The following TRAPPC10 variants were observed in gnomAD, a reference collection of about 807,000 sequenced individuals.
TRAPPC10 encodes the protein trafficking protein particle complex subunit 10.
In TRAPPC10, 23 loss-of-function variants were observed where a neutral mutation model predicts 125.5. That is an observed-to-expected ratio of 0.18 (90% CI 0.13 to 0.26). The LOEUF is 0.26. Among genes scored for constraint, TRAPPC10 ranks in the 10% least tolerant of loss-of-function variants. The probability of loss-of-function intolerance (pLI) is 1.00; values close to 1 mark genes in which losing one functional copy is unlikely to be tolerated. For synonymous variants in TRAPPC10, 509 were observed against 518.0 expected, an observed-to-expected ratio of 0.98 and a Z score of 0.24; for missense variants, 1,123 against 1,308.4, an observed-to-expected ratio of 0.86 and a Z score of 2.19.
chr21:44,059,521 C>T lies in TRAPPC10; in HGVS notation c.790+307C>T, dbSNP rs768720447. 4.0e-6 allele frequency: 3 copies of T among 751,662 alleles called. No homozygotes were observed. The highest frequency in any genetic ancestry group is 7.5e-6 in the Non-Finnish European group (3 of 402,602). 46.6% of individuals were successfully genotyped at this position (751,662 alleles called of 1,614,324 possible). On this transcript the variant is annotated intron_variant, in intron 6 of 22. Transcript: ENST00000291574. This position sits in a 1 kb window ranked among gnomAD's most constrained non-coding sequence, Gnocchi z 4.4. Reference sequence around the variant, plus strand: ...CTGCTGGTGATGCTTCGATTCTGTCCCTCGTTAGAATCAGAGTGGACGTCC... The same window carrying T: ...CTGCTGGTGATGCTTCGATTCTGTCTCTCGTTAGAATCAGAGTGGACGTCC...
At chr21:44,021,541 A>C (rs1016550264) in intron 1 of TRAPPC10, among the ~76,000 whole-genome samples, 3 of 152,206 alleles carry the variant, frequency 2.0e-5, no homozygotes, top group African/African-American at 7.2e-5. Context: ...AATTAGGTGA[A>C]CTGCCCAATC....
chr21:44,033,881 A>G (rs766645879), intron 2 of TRAPPC10, among the ~76,000 whole-genome samples: 2 of 152,078 alleles, frequency 1.3e-5, no homozygotes, highest in African/African-American at 2.4e-5. Context: ...ATAAAAAGAA[A>G]CTGTGTAGAT....
At chr21:44,078,720 G>C (rs191715008) in intron 11 of TRAPPC10, among the ~76,000 whole-genome samples, 9 of 152,358 alleles carry the variant, frequency 5.9e-5, no homozygotes, top group African/African-American at 1.9e-4. Flanking sequence ...AGGAAGCAGA[G>C]AGGCTTCTCG....
Position 44,025,826 on chromosome 21 carries a change from GTGTGTGT to G in TRAPPC10, c.68-6264_68-6258del, listed in dbSNP as rs1569144115. The stretch of plus-strand genomic sequence containing the variant: ...AGAGAGCAGCAGAGGGCAGGGGTGT[GTGTGTGT>G]GTGTGTGTGTGTGTGTGTGTGTGTG... On this transcript the variant is annotated intron_variant, in intron 1 of 22. Coordinates refer to ENST00000291574, the MANE Select transcript of TRAPPC10 (RefSeq NM_003274.5). Among the ~76,000 whole-genome samples the G allele has an allele frequency of 1.5e-3, 4 of 2,630 alleles. No homozygotes were observed. In the East Asian group the frequency reaches 0.034, roughly 22 times the overall value. 1.7% of individuals were successfully genotyped at this position (2,630 alleles called of 152,430 possible).
At position 44,087,358 on chromosome 21, in the gene TRAPPC10, A is replaced by G. The variant is rs2038210232; in HGVS notation, c.2540-341A>G. Among the ~76,000 whole-genome samples the G allele has an allele frequency of 6.6e-6, 1 of 152,048 alleles. No individual in the cohort carries two copies. The highest frequency in any genetic ancestry group is 2.1e-4 in the South Asian group (1 of 4,816). ...CATCCTCCCAGCCACGAGGAAGGGGAAGGGGAGGACCCTGCTCCCCTGGGG... is the reference window on the plus strand; with the variant it reads ...CATCCTCCCAGCCACGAGGAAGGGGGAGGGGAGGACCCTGCTCCCCTGGGG... On this transcript the variant is annotated intron_variant, in intron 16 of 22. Transcript: ENST00000291574. This position sits in a 1 kb window ranked among gnomAD's most constrained non-coding sequence, Gnocchi z 4.6.
chr21:44,034,916 CA>C lies in TRAPPC10; in HGVS notation c.149+2745del, dbSNP rs903454674. On this transcript the variant is annotated intron_variant, in intron 2 of 22. Coordinates refer to ENST00000291574, the MANE Select transcript of TRAPPC10 (RefSeq NM_003274.5). ...GAGAGAAGCAAGGAACCTCCCACTGCAGCCAGAGGGAACTAAGCCCACCCAT... is the reference window on the plus strand; with the variant it reads ...GAGAGAAGCAAGGAACCTCCCACTGCGCCAGAGGGAACTAAGCCCACCCAT... Among the ~76,000 whole-genome samples the C allele has an allele frequency of 4.8e-4, 73 of 152,348 alleles. 1 individual carries two copies. In the Middle Eastern group the frequency reaches 0.02, roughly 43 times the overall value.
chr21:44,077,448 G>T (rs1040050660), intron 10 of TRAPPC10, among the ~76,000 whole-genome samples: 3 of 152,114 alleles, frequency 2.0e-5, no homozygotes, highest in Non-Finnish European at 4.4e-5. Flanking sequence ...AATTAGCCGG[G>T]CCTGGTGGCG....
intron 7 of TRAPPC10, among the ~76,000 whole-genome samples, chr21:44,072,680 T>G (rs528005121): frequency 1.3e-5 from 2 of 152,286 alleles, no homozygotes; most frequent in South Asian, 4.1e-4. Context: ...GTCAGGCTGG[T>G]CTCAAACTCC....
chr21:44,029,219 C>T (rs943980962), intron 1 of TRAPPC10, among the ~76,000 whole-genome samples: 1 of 152,178 alleles, frequency 6.6e-6, no homozygotes, highest in Non-Finnish European at 1.5e-5. Context: ...CTCAGCCTCC[C>T]AAGTAGCTGG....
Position 44,082,409 on chromosome 21 carries a change from C to T in TRAPPC10, c.1724-379C>T, listed in dbSNP as rs1331946066. 2.0e-5 allele frequency among the ~76,000 whole-genome samples: 3 copies of T among 152,132 alleles called. No homozygotes were observed. The highest frequency in any genetic ancestry group is 4.4e-5 in the Non-Finnish European group (3 of 68,042). Reference sequence around the variant, plus strand: ...AGGGCACTTGGGCATCTTCACTGAGCATGTTTTTAAGTAGGTGAGAAAATA... The same window carrying T: ...AGGGCACTTGGGCATCTTCACTGAGTATGTTTTTAAGTAGGTGAGAAAATA... On this transcript the variant is annotated intron_variant, in intron 13 of 22. Coordinates refer to ENST00000291574, the MANE Select transcript of TRAPPC10 (RefSeq NM_003274.5). This position sits in a 1 kb window ranked among gnomAD's most constrained non-coding sequence, Gnocchi z 4.4.
At chr21:44,074,969 T>C in intron 8 of TRAPPC10, 70 bp from the exon 9 acceptor site, 4 of 1,149,238 alleles carry the variant, frequency 3.5e-6, no homozygotes, top group Non-Finnish European at 1.3e-6. Context: ...TGAATTTTTA[T>C]ATTTAAATTC....
At chr21:44,090,343 A>G (rs2038487206) in intron 18 of TRAPPC10, among the ~76,000 whole-genome samples, 2 of 151,948 alleles carry the variant, frequency 1.3e-5, no homozygotes, top group South Asian at 2.1e-4. Flanking sequence ...ATTGCCTGCA[A>G]CCTCTAGAAC....
At chr21:44,068,750 A>G (rs1202685011) in intron 7 of TRAPPC10, among the ~76,000 whole-genome samples, 1 of 151,910 alleles carries the variant, frequency 6.6e-6, no homozygotes, top group Non-Finnish European at 1.5e-5. Context: ...ACAGGTGCGC[A>G]CCACCATGCC....
intron 9 of TRAPPC10, among the ~76,000 whole-genome samples, chr21:44,076,047 C>CTAAAAA (rs113332330): frequency 2.2e-5 from 3 of 137,190 alleles, no homozygotes; most frequent in Non-Finnish European, 5.0e-5. Flanking sequence ...AAAACTCTGT[C>CTAAAAA]AAAAAAAAAA....
chr21:44,042,081 G>C (rs1190472106), intron 3 of TRAPPC10, among the ~76,000 whole-genome samples: 1 of 151,780 alleles, frequency 6.6e-6, no homozygotes. Flanking sequence ...TAGCTAGTTC[G>C]ATTTTTTCCC....
chr21:44,086,790 CT>C lies in TRAPPC10; in HGVS notation c.2381-8del. 3.1e-6 allele frequency: 5 copies of C among 1,613,922 alleles called. No homozygotes were observed. In the South Asian group the frequency reaches 3.3e-5, roughly 11 times the overall value. On this transcript the variant is annotated splice_polypyrimidine_tract_variant and intron_variant, in intron 15 of 22. Coordinates refer to ENST00000291574, the MANE Select transcript of TRAPPC10 (RefSeq NM_003274.5). ...TGGCAGCGGTGCTGAGCCACGATCTCTTTTCCTTTAGATAGCCTTCTGGCAG... is the reference window on the plus strand; with the variant it reads ...TGGCAGCGGTGCTGAGCCACGATCTCTTTCCTTTAGATAGCCTTCTGGCAG...
At chr21:44,015,903 C>T (rs544454659) in intron 1 of TRAPPC10, among the ~76,000 whole-genome samples, 32 of 152,332 alleles carry the variant, frequency 2.1e-4, no homozygotes, top group African/African-American at 6.7e-4. Flanking sequence ...CGTGAGCCCC[C>T]GCACCTGGCC....
intron 19 of TRAPPC10, among the ~76,000 whole-genome samples, chr21:44,092,963 A>G (rs986744766): frequency 6.6e-6 from 1 of 151,940 alleles, no homozygotes; most frequent in Non-Finnish European, 1.5e-5. Context: ...CGCCCAGCTA[A>G]TTTTTGTATT....
In TRAPPC10 at chr21:44,012,466, G is replaced by C. The variant is rs1051968; in HGVS notation, c.-28G>C. On this transcript the variant is annotated 5_prime_UTR_variant, in exon 1 of 23. Coordinates refer to ENST00000291574, the MANE Select transcript of TRAPPC10 (RefSeq NM_003274.5). ...CCTCGGGGCTGCCCATGGGGCGCGG[G>C]GGGCCGGGCCGGTGACGCCGGACGC... 1.4e-6 allele frequency: 2 copies of C among 1,431,492 alleles called. No homozygotes were observed. Among genetic ancestry groups the C allele is most frequent in the South Asian group, 1.3e-5 (1 of 76,766 alleles). The allele number at this position is 1,431,492 out of a possible 1,614,324, so 88.7% of individuals were successfully genotyped here. A position where few individuals can be genotyped will look rare whatever the true frequency, so the allele number is the denominator to read the frequency against.
Sources: allele counts gnomAD v4.1 joint callset (sites outside exome capture counted in the v4.1 genomes callset), GRCh38; gene constraint gnomAD v4.1.1; non-coding constraint Gnocchi (gnomAD v3.1); transcripts MANE v1.5; gene names NCBI Gene and HGNC (gene_info 2026-07-23, HGNC 2026-07-21).